SLC35E3: variants seen among roughly 807,000 people sequenced by gnomAD.
SLC35E3 encodes the protein bladder cancer-overexpressed gene 1 protein.
Under a neutral mutation model 30.8 loss-of-function variants are expected in SLC35E3, and 28 were observed. The ratio of observed to expected loss-of-function variants is 0.91; its 90% confidence interval spans 0.67 to 1.25. SLC35E3 has a LOEUF of 1.25. SLC35E3 is among the 50% of genes most tolerant of loss of function. The pLI is 0.00. For missense variants in SLC35E3, 365 were observed against 375.4 expected (o/e 0.97, Z 0.23); for synonymous variants, 146 against 149.2 (o/e 0.98, Z 0.16).
rs1879347277 is a variant in SLC35E3, at chr12:68,765,102, C to T, written c.*212C>T. The stretch of plus-strand genomic sequence containing the variant: ...AGAAACCCTGTCTCAACTAATAATA[C>T]AAAATTAGCCAGGCGTGGTGGCGCA... On this transcript the variant is annotated 3_prime_UTR_variant, in exon 5 of 5. Transcript: ENST00000398004. The T allele has an allele frequency of 2.2e-5, 8 of 358,920 alleles. No individual in the cohort carries two copies. The South Asian group carries it at 2.8e-4, about 13-fold the overall frequency. The allele number at this position is 358,920 out of a possible 1,614,324, so 22.2% of individuals were successfully genotyped here. A position where few individuals can be genotyped will look rare whatever the true frequency, so the allele number is the denominator to read the frequency against.
chr12:68,746,236 C>A lies in SLC35E3; in HGVS notation c.-142C>A. 5.4e-6 allele frequency: 4 copies of A among 741,460 alleles called. No individual in the cohort carries two copies. The highest frequency in any genetic ancestry group is 2.8e-5 in the East Asian group (1 of 36,318). The allele number at this position is 741,460 out of a possible 1,614,324, so 45.9% of individuals were successfully genotyped here. On this transcript the variant is annotated 5_prime_UTR_variant, in exon 1 of 5. Transcript: ENST00000398004. ...TGTCCTCTGTTAAGAGTGCTACTCG[C>A]CCGGGGTTGATCTGTGCATGCCACT...
At chr12:68,758,549 A>G (rs1296217208) in intron 3 of SLC35E3, among the ~76,000 whole-genome samples, 2 of 152,144 alleles carry the variant, frequency 1.3e-5, no homozygotes, top group African/African-American at 2.4e-5. Flanking sequence ...AATAATGCAT[A>G]TGTATACTTT....
chr12:68,756,750 C>G (rs910222146), intron 3 of SLC35E3, among the ~76,000 whole-genome samples: 3 of 152,118 alleles, frequency 2.0e-5, no homozygotes, highest in African/African-American at 7.2e-5. Context: ...CCCTGTAATC[C>G]CAGCAATTTG....
Position 68,766,865 on chromosome 12 carries a change from C to G in SLC35E3, c.*1975C>G, listed in dbSNP as rs1421284515. On this transcript the variant is annotated 3_prime_UTR_variant, in exon 5 of 5. Coordinates refer to ENST00000398004, the MANE Select transcript of SLC35E3 (RefSeq NM_018656.5). ...CTCTCGAAGTGCTGGGATTACAGGC[C>G]TGAGCCACCACACCTGGCCAGTAAT... is the stretch of plus-strand genomic sequence containing the variant. 10 of 417,012 alleles carry G rather than the reference C, an allele frequency of 2.4e-5. No individual in the cohort carries two copies. The highest frequency in any genetic ancestry group is 4.8e-5 in the Non-Finnish European group (10 of 206,842). 25.8% of individuals were successfully genotyped at this position (417,012 alleles called of 1,614,324 possible).
chr12:68,781,153 AAACTT>A lies in SLC35E3; in HGVS notation c.*16266_*16270del, dbSNP rs1027653533. The A allele has an allele frequency of 4.1e-5, 6 of 145,556 alleles. No individual in the cohort carries two copies. Among genetic ancestry groups the A allele is most frequent in the African/African-American group, 1.7e-4 (6 of 35,166 alleles). The allele number at this position is 145,556 out of a possible 1,614,324, so 9.0% of individuals were successfully genotyped here. ...AGTATAAGATTTGTGATTGTAATATAAACTTAAATCACTTTGGGAATGAATTTAAA... is the reference window on the plus strand; with the variant it reads ...AGTATAAGATTTGTGATTGTAATATAAAATCACTTTGGGAATGAATTTAAA... On this transcript the variant is annotated 3_prime_UTR_variant, in exon 5 of 5. Transcript: ENST00000398004.
At position 68,776,212 on chromosome 12, in the gene SLC35E3, CAAA is replaced by C. The variant is rs747047190; in HGVS notation, c.*11334_*11336del. ...GTGACAAGAGCAAAACTCTGTCTCACAAAAAAAAAAAAAAGGCCAGGCATGATG... is the reference window on the plus strand; with the variant it reads ...GTGACAAGAGCAAAACTCTGTCTCACAAAAAAAAAAAGGCCAGGCATGATG... On this transcript the variant is annotated 3_prime_UTR_variant, in exon 5 of 5. Coordinates refer to ENST00000398004, the MANE Select transcript of SLC35E3 (RefSeq NM_018656.5). The C allele has an allele frequency of 9.7e-5, 3 of 30,942 alleles. No homozygotes were observed. Among genetic ancestry groups the C allele is most frequent in the Non-Finnish European group, 5.6e-5 (1 of 17,810 alleles). 1.9% of individuals were successfully genotyped at this position (30,942 alleles called of 1,614,324 possible). A position where few individuals can be genotyped will look rare whatever the true frequency, so the allele number is the denominator to read the frequency against.
Position 68,768,017 on chromosome 12 carries a change from A to G in SLC35E3, c.*3127A>G, listed in dbSNP as rs1408315654. The G allele has an allele frequency of 2.6e-5, 4 of 152,410 alleles. No individual in the cohort carries two copies. The highest frequency in any genetic ancestry group is 7.2e-5 in the African/African-American group (3 of 41,604). The allele number at this position is 152,410 out of a possible 1,614,324, so 9.4% of individuals were successfully genotyped here. ...AAATTCGTAACTGTAGGCTGGGCGCAGTGGCTTACGCCTATAATCCCAGCA... is the reference window on the plus strand; with the variant it reads ...AAATTCGTAACTGTAGGCTGGGCGCGGTGGCTTACGCCTATAATCCCAGCA... On this transcript the variant is annotated 3_prime_UTR_variant, in exon 5 of 5. Transcript: ENST00000398004.
Position 68,764,749 on chromosome 12 carries a change from A to T in SLC35E3, c.801A>T (p.Gly267=), listed in dbSNP as rs780860453. Residue 267 remains glycine, a synonymous_variant, in exon 5 of 5, where the codon GGA becomes GGT. Transcript: ENST00000398004. ...TCAAGTTCTGCATTACTTTATTCGG[A>T]GGATATGTTTTATTTAAGGATCCAC... ...GHFKFCITLF[G]GYVLFKDPLS... is the part of the protein sequence containing the mutation. 1.2e-6 allele frequency: 2 copies of T among 1,614,056 alleles called. No individual in the cohort carries two copies. Among genetic ancestry groups the T allele is most frequent in the South Asian group, 2.2e-5 (2 of 91,086 alleles).
chr12:68,746,537 A>G lies in SLC35E3; in HGVS notation c.160A>G (p.Thr54Ala), dbSNP rs201088837. The change falls in exon 1 of 5, where the codon ACC (threonine) becomes GCC (alanine). Residue 54 changes from threonine (T) to alanine (A), a missense_variant. Physicochemically the swap from Thr to Ala is moderately conservative, Grantham distance 58. Coordinates refer to ENST00000398004, the MANE Select transcript of SLC35E3 (RefSeq NM_018656.5). ...CCTGACCCTGGTGCACTTCGTGGTC[A>G]CCTGGCTGGGCTTGTATATCTGCCA... ...MSLTLVHFVVTWLGLYICQKL... is the reference protein window; with the variant it reads ...MSLTLVHFVVAWLGLYICQKL... 7 of 1,614,114 alleles carry G rather than the reference A, an allele frequency of 4.3e-6. No homozygotes were observed. The highest frequency in any genetic ancestry group is 1.3e-5 in the African/African-American group (1 of 74,938).
rs1879525045 is a variant in SLC35E3, at chr12:68,768,756, G to T, written c.*3866G>T. On this transcript the variant is annotated 3_prime_UTR_variant, in exon 5 of 5. Coordinates refer to ENST00000398004, the MANE Select transcript of SLC35E3 (RefSeq NM_018656.5). ...ATGCATGGTAACGCTGACGTGTTCAGCTGTTCATATTTGGCCTGTCCAAAT... is the reference window on the plus strand; with the variant it reads ...ATGCATGGTAACGCTGACGTGTTCATCTGTTCATATTTGGCCTGTCCAAAT... 6.6e-6 allele frequency: 1 copy of T among 152,208 alleles called. No homozygotes were observed. The highest frequency in any genetic ancestry group is 1.5e-5 in the Non-Finnish European group (1 of 68,048). The allele number at this position is 152,208 out of a possible 1,614,324, so 9.4% of individuals were successfully genotyped here.
intron 4 of SLC35E3, among the ~76,000 whole-genome samples, chr12:68,760,396 TAAC>T (rs1406331443): frequency 1.3e-5 from 2 of 152,224 alleles, no homozygotes; most frequent in Non-Finnish European, 1.5e-5. Context: ...AACCAATACT[TAAC>T]AAATATTTAT....
intron 3 of SLC35E3, among the ~76,000 whole-genome samples, chr12:68,758,729 C>CTTTTTTTTTTTTTTTTTTTTTT (rs776771224): frequency 2.1e-5 from 1 of 48,376 alleles, no homozygotes; most frequent in Non-Finnish European, 3.6e-5. Flanking sequence ...AATTCTCTTT[C>CTTTTTTTTTTTTTTTTTTTTTT]TTTTTTTTTT....
At chr12:68,749,716 G>T (rs539129186) in intron 2 of SLC35E3, among the ~76,000 whole-genome samples, 8 of 152,306 alleles carry the variant, frequency 5.3e-5, no homozygotes, top group Non-Finnish European at 1.2e-4. Flanking sequence ...AATGAGCTCA[G>T]CAGGGAAGGA....
At position 68,772,856 on chromosome 12, in the gene SLC35E3, A is replaced by G. The variant is rs959356988; in HGVS notation, c.*7966A>G. ...CAGTTTCCTGTTTTCTCAATTTCTC[A>G]GTTTAAAATTAGAGCCCTATGGCAG... On this transcript the variant is annotated 3_prime_UTR_variant, in exon 5 of 5. Coordinates refer to ENST00000398004, the MANE Select transcript of SLC35E3 (RefSeq NM_018656.5). The G allele has an allele frequency of 6.6e-6, 1 of 151,990 alleles. No homozygotes were observed. Among genetic ancestry groups the G allele is most frequent in the Non-Finnish European group, 1.5e-5 (1 of 68,024 alleles). 9.4% of individuals were successfully genotyped at this position (151,990 alleles called of 1,614,324 possible). A position where few individuals can be genotyped will look rare whatever the true frequency, so the allele number is the denominator to read the frequency against.
intron 2 of SLC35E3, 43 bp downstream of exon 2, chr12:68,748,083 C>T: frequency 8.9e-7 from 1 of 1,126,624 alleles, no homozygotes; most frequent in South Asian, 1.3e-5. Context: ...TAGCAGATTT[C>T]ATAAATTTTG....
chr12:68,761,503 A>G (rs1341267718), intron 4 of SLC35E3, among the ~76,000 whole-genome samples: 2 of 152,220 alleles, frequency 1.3e-5, no homozygotes, highest in Non-Finnish European at 2.9e-5. Flanking sequence ...GACGGTTCTT[A>G]GTGCAGGCCT....
intron 3 of SLC35E3, among the ~76,000 whole-genome samples, chr12:68,755,831 C>T (rs1386471941): frequency 1.3e-5 from 2 of 152,220 alleles, no homozygotes; most frequent in Admixed American, 6.5e-5. Context: ...ATAACCCAAA[C>T]ACCTTCTACT....
At position 68,770,945 on chromosome 12, in the gene SLC35E3, GAA is replaced by G. The variant is rs776038300; in HGVS notation, c.*6056_*6057del. 2.2e-5 allele frequency: 4 copies of G among 185,494 alleles called. No individual in the cohort carries two copies. The highest frequency in any genetic ancestry group is 3.5e-5 in the Non-Finnish European group (3 of 86,358). 11.5% of individuals were successfully genotyped at this position (185,494 alleles called of 1,614,324 possible). A position where few individuals can be genotyped will look rare whatever the true frequency, so the allele number is the denominator to read the frequency against. On this transcript the variant is annotated 3_prime_UTR_variant, in exon 5 of 5. Transcript: ENST00000398004. ...GACTGAGGAGAGGGATGAGGCAGAGGAATATTATGGGCCTTCTTGATACTGAG... is the reference window on the plus strand; with the variant it reads ...GACTGAGGAGAGGGATGAGGCAGAGGTATTATGGGCCTTCTTGATACTGAG...
chr12:68,764,959 T>TAAA lies in SLC35E3; in HGVS notation c.*79_*81dup. ...AAATATTGTTAAGTGTGCAAGTTAT[T>TAAA]AAAAAAAAAAAATTGGGCCAGGCAC... On this transcript the variant is annotated 3_prime_UTR_variant, in exon 5 of 5. Transcript: ENST00000398004. 6 of 1,181,982 alleles carry TAAA rather than the reference T, an allele frequency of 5.1e-6. No individual in the cohort carries two copies. Among genetic ancestry groups the TAAA allele is most frequent in the Non-Finnish European group, 6.9e-6 (6 of 871,990 alleles). The allele number at this position is 1,181,982 out of a possible 1,614,324, so 73.2% of individuals were successfully genotyped here.
Sources: gnomAD v4.1 joint callset for allele counts (sites outside exome capture counted in the v4.1 genomes callset) on GRCh38, gnomAD v4.1.1 for gene constraint, MANE v1.5 for transcripts, NCBI Gene and HGNC (gene_info 2026-07-23, HGNC 2026-07-21) for gene names.